Variants in STXBP4 observed in about 807,000 individuals in gnomAD.
The protein encoded by STXBP4 is syntaxin-binding protein 4.
In STXBP4, 55 loss-of-function variants were observed where a neutral mutation model predicts 76.1. The ratio of observed to expected loss-of-function variants is 0.72; its 90% CI spans 0.58 to 0.91. The LOEUF (loss-of-function observed/expected upper bound fraction) is 0.91. STXBP4 is among the 40% of genes least tolerant of loss of function. STXBP4 has a pLI of 0.00. For synonymous variants in STXBP4, 201 were observed against 220.2 expected (o/e 0.91, Z 0.77); for missense variants, 618 against 636.9 (o/e 0.97, Z 0.32).
At chr17:55,192,776 C>T in the STXBP4 span, among the ~76,000 whole-genome samples, 9 of 152,174 alleles carry the variant, frequency 5.9e-5, no homozygotes, top group Admixed American at 3.3e-4. Context: ...GAGAGATTAA[C>T]TAACTTTCAG....
At chr17:55,099,844 AGG>A (rs1410842922) in intron 16 of STXBP4, among the ~76,000 whole-genome samples, 1 of 152,222 alleles carries the variant, frequency 6.6e-6, no homozygotes, top group African/African-American at 2.4e-5. Flanking sequence ...GATCCTAAGT[AGG>A]TACCACGTAC....
chr17:55,064,391 T>C (rs904497684), intron 12 of STXBP4, among the ~76,000 whole-genome samples: 11 of 152,166 alleles, frequency 7.2e-5, no homozygotes, highest in Non-Finnish European at 1.0e-4. Context: ...TCTTAATCAC[T>C]GTTTTTCCCC....
intron 11 of STXBP4, chr17:55,044,219 A>T (rs1376167501): frequency 1.3e-5 from 2 of 152,006 alleles, no homozygotes; most frequent in African/African-American, 4.8e-5. Flanking sequence ...ATTATATCCT[A>T]ATTTTTATAG....
In STXBP4 at chr17:55,168,697, T is replaced by G. The variant is rs1436276639; in HGVS notation, c.*8786T>G. On this transcript the variant is annotated 3_prime_UTR_variant, in exon 18 of 18. Coordinates refer to ENST00000376352, the MANE Select transcript of STXBP4 (RefSeq NM_178509.6). ...TTCAGAATTGAACTCTTTCTGCATC[T>G]CTTTTTTGAATCAGAGTTGTCATAA... is the stretch of plus-strand genomic sequence containing the variant. 6.6e-6 allele frequency: 1 copy of G among 152,216 alleles called. No individual in the cohort carries two copies. Among genetic ancestry groups the G allele is most frequent in the Admixed American group, 6.5e-5 (1 of 15,282 alleles). 9.4% of individuals were successfully genotyped at this position (152,216 alleles called of 1,614,324 possible). A position where few individuals can be genotyped will look rare whatever the true frequency, so the allele number is the denominator to read the frequency against.
At chr17:54,977,343 A>G (rs1339134579) in intron 1 of STXBP4, among the ~76,000 whole-genome samples, 1 of 152,234 alleles carries the variant, frequency 6.6e-6, no homozygotes, top group African/African-American at 2.4e-5. Context: ...TAGGCCTACA[A>G]TGGCTGTGTC....
At chr17:54,995,529 G>C (rs2077786830) in intron 4 of STXBP4, among the ~76,000 whole-genome samples, 1 of 152,130 alleles carries the variant, frequency 6.6e-6, no homozygotes, top group South Asian at 2.1e-4. Context: ...ATATACTTAT[G>C]AGTGTGTGTA....
chr17:55,083,984 T>C (rs1416900021), intron 16 of STXBP4, among the ~76,000 whole-genome samples: 3 of 152,198 alleles, frequency 2.0e-5, no homozygotes, highest in Non-Finnish European at 4.4e-5. Context: ...GTGGCCATCT[T>C]TGGAGAATAA....
At position 54,992,975 on chromosome 17, in the gene STXBP4, A is replaced by G. The variant is rs142808953; in HGVS notation, c.180+2018A>G. Among the ~76,000 whole-genome samples, 240 of 152,116 alleles carry G rather than the reference A, an allele frequency of 1.6e-3. 6 individuals carry two copies. In the East Asian group the frequency reaches 0.043, roughly 27 times the overall value. Reference sequence around the variant, plus strand: ...CGATCCATCCGCCTCAGCCTCCCAAAGTGCTGGGGGTACAGGCATGAGCCA... The same window carrying G: ...CGATCCATCCGCCTCAGCCTCCCAAGGTGCTGGGGGTACAGGCATGAGCCA... On this transcript the variant is annotated intron_variant, in intron 4 of 17. Transcript: ENST00000376352.
intron 8 of STXBP4, among the ~76,000 whole-genome samples, chr17:55,008,492 A>G (rs959679874): frequency 1.3e-5 from 2 of 152,180 alleles, no homozygotes; most frequent in East Asian, 1.9e-4. Context: ...ACCTATAACA[A>G]AAGACAGATT....
rs541914362 is a variant in STXBP4, at chr17:55,161,396, G to C, written c.*1485G>C. On this transcript the variant is annotated 3_prime_UTR_variant, in exon 18 of 18. Transcript: ENST00000376352. ...CAAGTTTTGAGAGAAGCCCCAGAGG[G>C]AGCTATTTCCTTGCACCCCCCAGAG... 2.6e-5 allele frequency: 4 copies of C among 152,262 alleles called. No individual in the cohort carries two copies. The South Asian group carries it at 8.3e-4, about 32-fold the overall frequency. 9.4% of individuals were successfully genotyped at this position (152,262 alleles called of 1,614,324 possible).
Position 55,162,345 on chromosome 17 carries a change from C to G in STXBP4, c.*2434C>G, listed in dbSNP as rs2080343870. ...ATCAACCGTAGCAATGTGGTCATCA[C>G]GAAGTCTTCATTGACTCACTGGCTT... On this transcript the variant is annotated 3_prime_UTR_variant, in exon 18 of 18. Coordinates refer to ENST00000376352, the MANE Select transcript of STXBP4 (RefSeq NM_178509.6). The G allele has an allele frequency of 6.6e-6, 1 of 152,162 alleles. No homozygotes were observed. Among genetic ancestry groups the G allele is most frequent in the African/African-American group, 2.4e-5 (1 of 41,440 alleles). 9.4% of individuals were successfully genotyped at this position (152,162 alleles called of 1,614,324 possible).
At chr17:54,987,665 GAATA>G (rs2077645771) in intron 3 of STXBP4, among the ~76,000 whole-genome samples, 3 of 152,148 alleles carry the variant, frequency 2.0e-5, no homozygotes, top group Admixed American at 2.0e-4. Context: ...ATGCCAAAAT[GAATA>G]ACCTAGCATA....
chr17:55,062,060 C>T (rs907503672), intron 12 of STXBP4, among the ~76,000 whole-genome samples: 5 of 151,916 alleles, frequency 3.3e-5, no homozygotes, highest in Non-Finnish European at 7.4e-5. Flanking sequence ...CCAATCATGA[C>T]TCCATCTCTA....
At chr17:55,035,742 C>T (rs1322211240) in intron 10 of STXBP4, among the ~76,000 whole-genome samples, 1 of 151,832 alleles carries the variant, frequency 6.6e-6, no homozygotes, top group Non-Finnish European at 1.5e-5. Context: ...GAATTCTTTT[C>T]ATGCCAGCTC....
the STXBP4 span, among the ~76,000 whole-genome samples, chr17:55,204,657 A>G: frequency 1.3e-5 from 2 of 152,026 alleles, no homozygotes. Flanking sequence ...ATTTTTAGCA[A>G]TGTCTCTCCT....
intron 1 of STXBP4, among the ~76,000 whole-genome samples, chr17:54,983,048 A>G (rs1170973330): frequency 1.3e-5 from 2 of 152,160 alleles, no homozygotes; most frequent in Non-Finnish European, 2.9e-5. Context: ...CTTTTGTATA[A>G]AATTGGGTTA....
At chr17:55,210,923 G>A in the STXBP4 span, among the ~76,000 whole-genome samples, 7 of 152,086 alleles carry the variant, frequency 4.6e-5, no homozygotes, top group African/African-American at 7.2e-5. Context: ...GTTCCCTTTC[G>A]TTGTTTGTAA....
intron 12 of STXBP4, among the ~76,000 whole-genome samples, chr17:55,054,383 G>T (rs995601096): frequency 5.9e-5 from 9 of 152,168 alleles, no homozygotes; most frequent in Non-Finnish European, 1.3e-4. Context: ...CAGCTACTCG[G>T]AAGGCTGAGG....
rs143845498 is a variant in STXBP4, at chr17:55,124,109, G to A, written c.1490-17201G>A. Reference sequence around the variant, plus strand: ...TCACCATGGAAAGATCTTATCAAGGGTGTTTAGGTAAAAGGGACAGTGAGG... The same window carrying A: ...TCACCATGGAAAGATCTTATCAAGGATGTTTAGGTAAAAGGGACAGTGAGG... On this transcript the variant is annotated intron_variant, in intron 16 of 17. Coordinates refer to ENST00000376352, the MANE Select transcript of STXBP4 (RefSeq NM_178509.6). Among the ~76,000 whole-genome samples the A allele has an allele frequency of 2.6e-3, 394 of 152,286 alleles. 2 individuals carry two copies. Among genetic ancestry groups the A allele is most frequent in the African/African-American group, 8.9e-3 (370 of 41,560 alleles).
Sources: gnomAD v4.1 joint callset for allele counts (sites outside exome capture counted in the v4.1 genomes callset) on GRCh38, gnomAD v4.1.1 for gene constraint, MANE v1.5 for transcripts, NCBI Gene and HGNC (gene_info 2026-07-23, HGNC 2026-07-21) for gene names.